Variants in ENAH observed in about 807,000 individuals in gnomAD.
ENAH encodes protein enabled homolog.
ENAH carries 23 observed loss-of-function variants against 78.7 expected under a neutral mutation model. The ratio of observed to expected loss-of-function variants is 0.29; its 90% CI spans 0.21 to 0.41. The LOEUF (loss-of-function observed/expected upper bound fraction) is 0.41, where lower values mean the gene tolerates loss of function less well. Ranked by LOEUF, ENAH falls within the 10% of genes least tolerant of loss-of-function variation. The probability of loss-of-function intolerance (pLI) is 1.00; values close to 1 mark genes in which losing one functional copy is unlikely to be tolerated. For synonymous variants in ENAH, 226 were observed against 241.0 expected, an observed-to-expected ratio of 0.94 and a Z score of 0.58; for missense variants, 544 against 691.0, an observed-to-expected ratio of 0.79 and a Z score of 2.39.
intron 1 of ENAH, among the ~76,000 whole-genome samples, chr1:225,608,066 CAG>C (rs2096965754): frequency 6.6e-6 from 1 of 151,512 alleles, no homozygotes; most frequent in Non-Finnish European, 1.5e-5. Context: ...ACGCAAGGAA[CAG>C]AATCATAATA....
intron 1 of ENAH, among the ~76,000 whole-genome samples, chr1:225,584,131 C>A (rs2840961): frequency 0.029 from 4,391 of 152,134 alleles, 200 homozygotes; most frequent in African/African-American, 0.1. Flanking sequence ...CAAGCCTGGG[C>A]GACAGAGCAA....
At chr1:225,564,010 T>C (rs2096721921) in intron 2 of ENAH, among the ~76,000 whole-genome samples, 1 of 152,208 alleles carries the variant, frequency 6.6e-6, no homozygotes, top group Non-Finnish European at 1.5e-5. Context: ...GGCATAAAGT[T>C]TTTTATAATA....
At chr1:225,616,060 G>A (rs1037870293) in intron 1 of ENAH, among the ~76,000 whole-genome samples, 5 of 152,102 alleles carry the variant, frequency 3.3e-5, no homozygotes, top group Non-Finnish European at 5.9e-5. Flanking sequence ...AACATGTGCT[G>A]TGTCCACTCA....
intron 1 of ENAH, among the ~76,000 whole-genome samples, chr1:225,651,707 C>T (rs1057405039): frequency 4.6e-5 from 7 of 152,128 alleles, no homozygotes; most frequent in Non-Finnish European, 1.0e-4. Flanking sequence ...AGCCTTCAGT[C>T]TACCAAGTCC....
chr1:225,583,844 T>C (rs570273811), intron 1 of ENAH, among the ~76,000 whole-genome samples: 43 of 146,816 alleles, frequency 2.9e-4, no homozygotes, highest in Admixed American at 5.5e-4. Context: ...AGAAAAGAAA[T>C]GAAGAGCATC....
At chr1:225,542,174 G>A (rs568151012) in intron 3 of ENAH, among the ~76,000 whole-genome samples, 2 of 152,204 alleles carry the variant, frequency 1.3e-5, no homozygotes, top group African/African-American at 2.4e-5. Context: ...GAGCCACTGC[G>A]CCTAGCCTAG....
chr1:225,503,042 A>C lies in ENAH; in HGVS notation c.1539-1972T>G, dbSNP rs76059558. On this transcript the variant is annotated intron_variant, in intron 11 of 13. Transcript: ENST00000366843. ...ATCCATATTTACTAGGCAATGCAAA[A>C]ATTATTGTTATGTAATAAACAATTG... 2.6e-3 allele frequency among the ~76,000 whole-genome samples: 393 copies of C among 152,350 alleles called. 3 individuals carry two copies. The highest frequency in any genetic ancestry group is 9.1e-3 in the African/African-American group (377 of 41,570).
intron 3 of ENAH, among the ~76,000 whole-genome samples, chr1:225,533,015 T>C (rs928129739): frequency 3.3e-5 from 5 of 152,010 alleles, no homozygotes; most frequent in Admixed American, 6.6e-5. Flanking sequence ...TGTGTGTCCG[T>C]GCATGGAATC....
intron 12 of ENAH, 101 bp from the exon 13 acceptor site, chr1:225,498,505 G>GT (rs951829942): frequency 1.5e-4 from 107 of 702,260 alleles, no homozygotes; most frequent in African/African-American, 2.7e-4. Context: ...ATGATGTGTA[G>GT]TTTTTTTTGT....
chr1:225,582,990 T>A (rs777003492), intron 1 of ENAH, among the ~76,000 whole-genome samples: 7 of 152,194 alleles, frequency 4.6e-5, no homozygotes, highest in Non-Finnish European at 8.8e-5. Context: ...ATAAATTGGA[T>A]GACCACAGAC....
chr1:225,608,091 C>T (rs891423366), intron 1 of ENAH, among the ~76,000 whole-genome samples: 3 of 149,896 alleles, frequency 2.0e-5, no homozygotes, highest in African/African-American at 7.4e-5. Flanking sequence ...CTCAAAGGGT[C>T]GAAAAAAAGA....
chr1:225,497,441 C>T lies in ENAH; in HGVS notation c.*334G>A, dbSNP rs562300148. ...TTAGCAATGTATTGTGGAAAATGTGCGACTTTATCTTGATATGAAAATATT... is the reference window on the plus strand; with the variant it reads ...TTAGCAATGTATTGTGGAAAATGTGTGACTTTATCTTGATATGAAAATATT... On this transcript the variant is annotated 3_prime_UTR_variant, in exon 14 of 14. Transcript: ENST00000366843. 1.1e-4 allele frequency: 19 copies of T among 176,346 alleles called. No homozygotes were observed. The highest frequency in any genetic ancestry group is 1.7e-4 in the Non-Finnish European group (14 of 83,394). The allele number at this position is 176,346 out of a possible 1,614,324, so 10.9% of individuals were successfully genotyped here. A position where few individuals can be genotyped will look rare whatever the true frequency, so the allele number is the denominator to read the frequency against.
chr1:225,591,900 GA>G (rs2096879076), intron 1 of ENAH, among the ~76,000 whole-genome samples: 1 of 151,896 alleles, frequency 6.6e-6, no homozygotes. Context: ...GAGGCAATCT[GA>G]AGTTAAACCT....
In ENAH at chr1:225,491,504, AAAAG is replaced by A. The variant is rs1226138539; in HGVS notation, c.*6267_*6270del. Reference sequence around the variant, plus strand: ...AAAAAAAAAATAAAAGAAAAAGAAAAAAAGAAAAGAGGTTTCACAGATGTGACTA... The same window carrying A: ...AAAAAAAAAATAAAAGAAAAAGAAAAAAAAGAGGTTTCACAGATGTGACTA... On this transcript the variant is annotated 3_prime_UTR_variant, in exon 14 of 14. Transcript: ENST00000366843. 2.0e-5 allele frequency: 3 copies of A among 151,250 alleles called. No homozygotes were observed. The highest frequency in any genetic ancestry group is 2.9e-5 in the Non-Finnish European group (2 of 67,948). The allele number at this position is 151,250 out of a possible 1,614,324, so 9.4% of individuals were successfully genotyped here. A position where few individuals can be genotyped will look rare whatever the true frequency, so the allele number is the denominator to read the frequency against.
At chr1:225,589,646 G>T (rs1017515242) in intron 1 of ENAH, among the ~76,000 whole-genome samples, 1 of 152,050 alleles carries the variant, frequency 6.6e-6, no homozygotes, top group Non-Finnish European at 1.5e-5. Context: ...GCGTATTATT[G>T]TTGCATTGTT....
intron 7 of ENAH, among the ~76,000 whole-genome samples, 171 bp downstream of exon 7, chr1:225,514,425 A>G (rs1228654649): frequency 6.6e-6 from 1 of 152,086 alleles, no homozygotes; most frequent in East Asian, 1.9e-4. Flanking sequence ...CCAGCCTCCC[A>G]AAGTGCAGGG....
intron 1 of ENAH, among the ~76,000 whole-genome samples, chr1:225,582,473 C>T (rs888407430): frequency 6.6e-6 from 1 of 152,156 alleles, no homozygotes; most frequent in Non-Finnish European, 1.5e-5. Flanking sequence ...AGCCTGACAA[C>T]TGGTCCTGGT....
intron 1 of ENAH, among the ~76,000 whole-genome samples, chr1:225,595,979 C>G (rs951577534): frequency 7.2e-5 from 11 of 152,156 alleles, no homozygotes; most frequent in Non-Finnish European, 1.3e-4. Flanking sequence ...TATTTCCTTA[C>G]TACTAAAGAG....
intron 1 of ENAH, among the ~76,000 whole-genome samples, chr1:225,621,046 T>C (rs375479218): frequency 6.6e-6 from 1 of 152,130 alleles, no homozygotes; most frequent in South Asian, 2.1e-4. Context: ...TTTGTAGTCT[T>C]TGAAAGCCTC....
Sources: allele counts gnomAD v4.1 joint callset (sites outside exome capture counted in the v4.1 genomes callset), GRCh38; gene constraint gnomAD v4.1.1; transcripts MANE v1.5; gene names NCBI Gene and HGNC (gene_info 2026-07-23, HGNC 2026-07-21).